The following FGF14 variants were observed in gnomAD, a reference collection of about 807,000 sequenced individuals.
FGF14 encodes fibroblast growth factor 14, also known as fibroblast growth factor homologous factor 4.
FGF14 carries 5 observed loss-of-function variants against 25.5 expected under a neutral mutation model. The observed-to-expected ratio is 0.20, with a 90% CI of 0.10 to 0.41. The LOEUF is 0.41. FGF14 is among the 10% of genes least tolerant of loss of function. The pLI, the probability that FGF14 is intolerant of heterozygous loss-of-function variation, is 1.00. For missense variants in FGF14, 222 were observed against 320.1 expected (o/e 0.69, Z 2.34); for synonymous variants, 138 against 118.3 (o/e 1.17, Z -1.08).
chr13:102,161,658 G>GA (rs1237708627), intron 1 of FGF14, among the ~76,000 whole-genome samples: 2 of 20,510 alleles, frequency 9.8e-5, no homozygotes, highest in Non-Finnish European at 2.3e-4. Flanking sequence ...AGAAGAAGAA[G>GA]AAGAAGAAGA....
At chr13:102,307,551 A>G (rs2055461412) in intron 1 of FGF14, among the ~76,000 whole-genome samples, 1 of 152,164 alleles carries the variant, frequency 6.6e-6, no homozygotes, top group Non-Finnish European at 1.5e-5. Context: ...ATGAACTTTT[A>G]AGACTAATAA....
intron 1 of FGF14, among the ~76,000 whole-genome samples, chr13:101,932,625 G>C (rs2034836237): frequency 6.6e-6 from 1 of 151,176 alleles, no homozygotes; most frequent in Non-Finnish European, 1.5e-5. Context: ...GGGAAGCTTT[G>C]TTTCTTGAGC....
At chr13:101,781,016 G>A (rs1330888326) in intron 3 of FGF14, among the ~76,000 whole-genome samples, 3 of 151,962 alleles carry the variant, frequency 2.0e-5, no homozygotes, top group African/African-American at 4.8e-5. Flanking sequence ...TCTTCCTAAT[G>A]ATCCTCGCGC....
intron 1 of FGF14, among the ~76,000 whole-genome samples, chr13:102,304,437 T>C (rs986917364): frequency 2.0e-5 from 3 of 152,160 alleles, no homozygotes; most frequent in Non-Finnish European, 2.9e-5. Context: ...CAACCCTAAA[T>C]ACATTGAAAT....
intron 1 of FGF14, among the ~76,000 whole-genome samples, chr13:102,065,897 A>G (rs2042884761): frequency 6.6e-6 from 1 of 152,122 alleles, no homozygotes; most frequent in Admixed American, 6.5e-5. Flanking sequence ...TAATGAATAA[A>G]CCATTAATCA....
chr13:102,389,014 T>C (rs1186478683), intron 1 of FGF14, among the ~76,000 whole-genome samples: 1 of 152,154 alleles, frequency 6.6e-6, no homozygotes, highest in African/African-American at 2.4e-5. Flanking sequence ...TTCATTCACA[T>C]TACTCCTCTT....
At chr13:102,367,907 G>A (rs1164377079) in intron 1 of FGF14, 2 of 152,226 alleles carry the variant, frequency 1.3e-5, no homozygotes, top group African/African-American at 4.8e-5. Context: ...GATGGACTAA[G>A]AGGGAAGAGG....
chr13:102,251,780 C>T (rs1739794661), intron 1 of FGF14, among the ~76,000 whole-genome samples: 1 of 152,158 alleles, frequency 6.6e-6, no homozygotes, highest in African/African-American at 2.4e-5. Context: ...GACTTCCCTT[C>T]CTGCATCCTC....
chr13:102,324,459 T>C (rs887333793), intron 1 of FGF14, among the ~76,000 whole-genome samples: 4 of 152,242 alleles, frequency 2.6e-5, no homozygotes, highest in Non-Finnish European at 5.9e-5. Flanking sequence ...GTCTGATACA[T>C]GCTGGGCGCT....
chr13:102,383,029 A>C (rs1257440612), intron 1 of FGF14, among the ~76,000 whole-genome samples: 1 of 152,084 alleles, frequency 6.6e-6, no homozygotes, highest in South Asian at 2.1e-4. Context: ...GATAGTGGTA[A>C]TGGTTGCACA....
chr13:101,927,997 G>C (rs548262306), intron 1 of FGF14, among the ~76,000 whole-genome samples: 1 of 152,180 alleles, frequency 6.6e-6, no homozygotes, highest in South Asian at 2.1e-4. Context: ...TTTCATCCCC[G>C]GTGACACTAG....
chr13:102,401,070 T>G (rs1184422794), intron 1 of FGF14, among the ~76,000 whole-genome samples: 1 of 152,128 alleles, frequency 6.6e-6, no homozygotes, highest in Non-Finnish European at 1.5e-5. Flanking sequence ...GGAACCCAGC[T>G]ACGTCCCTCG....
At chr13:101,855,318 T>G (rs1383333964) in intron 3 of FGF14, among the ~76,000 whole-genome samples, 2 of 152,022 alleles carry the variant, frequency 1.3e-5, no homozygotes, top group Non-Finnish European at 2.9e-5. Context: ...AAGAATGAAA[T>G]ATATCACTTT....
intron 1 of FGF14, among the ~76,000 whole-genome samples, chr13:102,236,788 A>C (rs1430664118): frequency 6.6e-6 from 1 of 152,186 alleles, no homozygotes; most frequent in Non-Finnish European, 1.5e-5. Flanking sequence ...GTCCACATGG[A>C]CATAGGATGC....
At chr13:102,085,486 A>T (rs1692859607) in intron 1 of FGF14, among the ~76,000 whole-genome samples, 1 of 152,204 alleles carries the variant, frequency 6.6e-6, no homozygotes, top group South Asian at 2.1e-4. Flanking sequence ...AATGGGAGTG[A>T]TGTCAAACAA....
At chr13:102,186,094 T>G (rs1205925590) in intron 1 of FGF14, among the ~76,000 whole-genome samples, 1 of 152,152 alleles carries the variant, frequency 6.6e-6, no homozygotes, top group Non-Finnish European at 1.5e-5. Flanking sequence ...CATGATGTGA[T>G]TTTTTTCCAG....
chr13:101,713,456 G>C lies in FGF14; in HGVS notation c.*9375C>G, dbSNP rs1265178742. 1 of 152,088 alleles carries C rather than the reference G, an allele frequency of 6.6e-6. No homozygotes were observed. The highest frequency in any genetic ancestry group is 1.5e-5 in the Non-Finnish European group (1 of 68,016). 9.4% of individuals were successfully genotyped at this position (152,088 alleles called of 1,614,324 possible). On this transcript the variant is annotated 3_prime_UTR_variant, in exon 5 of 5. Coordinates refer to ENST00000376143, the MANE Select transcript of FGF14 (RefSeq NM_004115.4). ...GTGATTTTGACTCAAAAAGAATACA[G>C]CCATCTTTTAGTAAATGGAAGTCAT...
At chr13:101,941,848 C>T (rs568183400) in intron 1 of FGF14, among the ~76,000 whole-genome samples, 12 of 152,142 alleles carry the variant, frequency 7.9e-5, no homozygotes, top group Admixed American at 6.5e-4. Context: ...AAATTTTTGG[C>T]GAGTAATTGT....
intron 1 of FGF14, among the ~76,000 whole-genome samples, chr13:101,981,650 C>A (rs67484020): frequency 4.5e-4 from 10 of 22,300 alleles, no homozygotes; most frequent in East Asian, 5.2e-3. Context: ...AATTAAAAAA[C>A]AACAACAACA....
Sources: gnomAD v4.1 joint callset for allele counts (sites outside exome capture counted in the v4.1 genomes callset) on GRCh38, gnomAD v4.1.1 for gene constraint, MANE v1.5 for transcripts, NCBI Gene and HGNC (gene_info 2026-07-23, HGNC 2026-07-21) for gene names.